The following SCRN1 variants were observed in gnomAD, a reference collection of about 807,000 sequenced individuals.
SCRN1 encodes secernin 1.
In SCRN1, 19 loss-of-function variants were observed where a neutral mutation model predicts 43.3. The observed-to-expected ratio is 0.44, with a 90% confidence interval of 0.31 to 0.64. The LOEUF (loss-of-function observed/expected upper bound fraction) is 0.64, where lower values mean the gene tolerates loss of function less well. Ranked by LOEUF, SCRN1 falls within the 30% of genes least tolerant of loss-of-function variation. The pLI, the probability that SCRN1 is intolerant of heterozygous loss-of-function variation, is 0.09. For synonymous variants in SCRN1, 183 were observed against 188.9 expected, an observed-to-expected ratio of 0.97 and a Z score of 0.26; for missense variants, 447 against 524.1, an observed-to-expected ratio of 0.85 and a Z score of 1.44.
At chr7:29,946,641 G>A (rs148453146) in intron 3 of SCRN1, among the ~76,000 whole-genome samples, 50 of 152,240 alleles carry the variant, frequency 3.3e-4, no homozygotes, top group African/African-American at 1.2e-3. Context: ...TGACTTTGAT[G>A]TCCTCTGGCA....
chr7:29,943,883 G>A (rs1036773809), intron 4 of SCRN1, 94 bp downstream of exon 4: 24 of 1,180,164 alleles, frequency 2.0e-5, no homozygotes, highest in Middle Eastern at 2.7e-4. Context: ...GCAACGGCAC[G>A]TCTTTCTTCC....
chr7:29,976,029 G>A (rs1373720257), intron 1 of SCRN1, among the ~76,000 whole-genome samples: 1 of 152,142 alleles, frequency 6.6e-6, no homozygotes, highest in East Asian at 1.9e-4. Context: ...TCATGTAGCT[G>A]GTACATTTTT....
chr7:29,990,106 C>T, upstream of SCRN1: 10 of 1,549,008 alleles, frequency 6.5e-6, no homozygotes, highest in Non-Finnish European at 8.7e-6. Flanking sequence ...TTTGGCGCCT[C>T]TTCCCGACGT....
intron 6 of SCRN1, among the ~76,000 whole-genome samples, chr7:29,926,993 C>CTT (rs767465159): frequency 1.4e-5 from 2 of 143,884 alleles, no homozygotes; most frequent in Non-Finnish European, 1.5e-5. Context: ...AGAGGTTTGC[C>CTT]TTTTTTTTTT....
intron 1 of SCRN1, among the ~76,000 whole-genome samples, chr7:29,974,142 A>G (rs1450000474): frequency 6.6e-6 from 1 of 152,170 alleles, no homozygotes; most frequent in Non-Finnish European, 1.5e-5. Flanking sequence ...CAACTTTCCT[A>G]TAAGTATTTT....
At chr7:29,953,078 T>G (rs937689709) in intron 3 of SCRN1, among the ~76,000 whole-genome samples, 6 of 152,246 alleles carry the variant, frequency 3.9e-5, no homozygotes, top group Non-Finnish European at 7.3e-5. Context: ...CAAATGAACC[T>G]GCCCCTCAAA....
intron 1 of SCRN1, among the ~76,000 whole-genome samples, chr7:29,972,832 C>T (rs1788706971): frequency 1.3e-5 from 2 of 152,138 alleles, no homozygotes; most frequent in South Asian, 4.1e-4. Flanking sequence ...ATATGGTGAC[C>T]ACTAGCCTCA....
rs184972016 is a variant in SCRN1 at position 29,955,480 on chromosome 7, T to C, written c.160-120A>G. The C allele has an allele frequency of 4.9e-5, 44 of 905,550 alleles. No homozygotes were observed. The East Asian group carries it at 1.1e-3, about 23-fold the overall frequency. The allele number at this position is 905,550 out of a possible 1,614,324, so 56.1% of individuals were successfully genotyped here. On this transcript the variant is annotated intron_variant, in intron 2 of 7. Transcript: ENST00000242059. ...AAACAGAGCCAAAAAATAAAAGGCC[T>C]TGGGAATACCCTGATTTTTAAGTCT...
intron 7 of SCRN1, among the ~76,000 whole-genome samples, chr7:29,926,151 G>A (rs1210410984): frequency 2.0e-5 from 3 of 152,158 alleles, no homozygotes; most frequent in Admixed American, 6.5e-5. Context: ...TATCCCTAAC[G>A]TACTGCATAT....
intron 3 of SCRN1, among the ~76,000 whole-genome samples, chr7:29,948,635 T>C (rs1236240886): frequency 2.0e-5 from 3 of 152,230 alleles, no homozygotes; most frequent in African/African-American, 7.2e-5. Flanking sequence ...TTAGTGCCAT[T>C]GTTAAACACA....
At chr7:29,933,855 T>C (rs2128087813) in intron 6 of SCRN1, among the ~76,000 whole-genome samples, 1 of 152,378 alleles carries the variant, frequency 6.6e-6, no homozygotes, top group South Asian at 2.1e-4. Flanking sequence ...TCACGTTTTT[T>C]GGTTTTAACA....
chr7:29,963,229 G>A (rs944638571), intron 2 of SCRN1, among the ~76,000 whole-genome samples: 4 of 152,030 alleles, frequency 2.6e-5, no homozygotes, highest in Non-Finnish European at 4.4e-5. Flanking sequence ...CACTATAAAG[G>A]GAGAGGCAAA....
intron 1 of SCRN1, among the ~76,000 whole-genome samples, chr7:29,976,724 C>A (rs1468092331): frequency 6.6e-6 from 1 of 152,230 alleles, no homozygotes; most frequent in East Asian, 1.9e-4. Flanking sequence ...CCACCACTGT[C>A]CTCCTTATCA....
chr7:29,934,052 G>A (rs559572251), intron 6 of SCRN1, among the ~76,000 whole-genome samples: 1 of 152,270 alleles, frequency 6.6e-6, no homozygotes, highest in African/African-American at 2.4e-5. Flanking sequence ...CAATTACAGA[G>A]AAACAACTGA....
rs551308059 is a variant in SCRN1 at position 29,950,317 on chromosome 7, G to A, written c.341+4862C>T. 1.4e-4 allele frequency among the ~76,000 whole-genome samples: 22 copies of A among 152,284 alleles called. No individual in the cohort carries two copies. The East Asian group carries it at 2.1e-3, about 15-fold the overall frequency. The stretch of plus-strand genomic sequence containing the variant: ...TGACACACCAGCCCCCTGCCGCCTC[G>A]GGCTTCTCCAGACTTTGGGCATCAA... On this transcript the variant is annotated intron_variant, in intron 3 of 7. Coordinates refer to ENST00000242059, the MANE Select transcript of SCRN1 (RefSeq NM_014766.5). The surrounding 1 kb of genome is among the most constrained non-coding windows in gnomAD (Gnocchi z 4.5).
chr7:29,943,970 C>T lies in SCRN1; in HGVS notation c.544+7G>A, dbSNP rs777038831. On this transcript the variant is annotated splice_region_variant and intron_variant, in intron 4 of 7. Transcript: ENST00000242059. Reference sequence around the variant, plus strand: ...CTCAGAACTCTCCATCATCCACACCCACTCACCTGTGACTTTCTCGGCAGC... The same window carrying T: ...CTCAGAACTCTCCATCATCCACACCTACTCACCTGTGACTTTCTCGGCAGC... 1 of 1,613,900 alleles carries T rather than the reference C, an allele frequency of 6.2e-7. No individual in the cohort carries two copies. The highest frequency in any genetic ancestry group is 8.5e-7 in the Non-Finnish European group (1 of 1,179,910).
At chr7:29,954,478 A>G (rs1788063909) in intron 3 of SCRN1, among the ~76,000 whole-genome samples, 1 of 152,128 alleles carries the variant, frequency 6.6e-6, no homozygotes, top group South Asian at 2.1e-4. Flanking sequence ...AAGAAAGCTC[A>G]TGCCCATTAG....
intron 2 of SCRN1, 110 bp downstream of exon 2, chr7:29,968,799 A>G: frequency 1.5e-6 from 2 of 1,345,324 alleles, no homozygotes; most frequent in African/African-American, 1.4e-5. Flanking sequence ...CAGAACTGAC[A>G]TGATAGCTCT....
At chr7:29,943,249 T>A (rs1335477262) in intron 4 of SCRN1, among the ~76,000 whole-genome samples, 1 of 152,172 alleles carries the variant, frequency 6.6e-6, no homozygotes, top group East Asian at 1.9e-4. Context: ...AAATTCCCTC[T>A]TAGGACTACT....
Sources: gnomAD v4.1 joint callset for allele counts (sites outside exome capture counted in the v4.1 genomes callset) on GRCh38, gnomAD v4.1.1 for gene constraint, Gnocchi (gnomAD v3.1) non-coding constraint, MANE v1.5 for transcripts, NCBI Gene and HGNC (gene_info 2026-07-23, HGNC 2026-07-21) for gene names.